Variants in LYRM4 observed in about 807,000 individuals in gnomAD.
LYRM4 encodes LYR motif-containing protein 4.
A neutral mutation model predicts 11.7 loss-of-function variants in LYRM4; 9 were observed. The observed-to-expected ratio is 0.77, with a 90% CI of 0.46 to 1.34. The LOEUF is 1.34. Ranked by LOEUF, LYRM4 falls within the 40% of genes most tolerant of loss-of-function variation. The pLI is 0.00. For synonymous variants in LYRM4, 42 were observed against 40.4 expected, an observed-to-expected ratio of 1.04 and a Z score of -0.15; for missense variants, 133 against 112.5, an observed-to-expected ratio of 1.18 and a Z score of -0.82.
the LYRM4 span, chr6:5,032,291 C>A: frequency 1.3e-5 from 2 of 152,174 alleles, no homozygotes; most frequent in East Asian, 3.9e-4. Context: ...CCAAATATTC[C>A]TATATTTCTA....
At chr6:5,047,830 CATAAA>C in the LYRM4 span, among the ~76,000 whole-genome samples, 1 of 152,196 alleles carries the variant, frequency 6.6e-6, no homozygotes, top group Non-Finnish European at 1.5e-5. Flanking sequence ...ATTACAATAG[CATAAA>C]ATATCACAAA....
chr6:5,152,568 C>T (rs970914113), intron 2 of LYRM4, among the ~76,000 whole-genome samples: 4 of 152,198 alleles, frequency 2.6e-5, no homozygotes, highest in Non-Finnish European at 5.9e-5. Flanking sequence ...AGTGAGGCAG[C>T]CCCAGCTGCG....
At chr6:5,086,656 G>A in the LYRM4 span, 2 of 1,103,844 alleles carry the variant, frequency 1.8e-6, no homozygotes, top group Non-Finnish European at 2.5e-6. Flanking sequence ...GCTTTGCTGA[G>A]CGTGGCGAGT....
chr6:5,181,146 G>C (rs1255421255), intron 2 of LYRM4, among the ~76,000 whole-genome samples: 3 of 152,082 alleles, frequency 2.0e-5, no homozygotes, highest in Admixed American at 2.0e-4. Flanking sequence ...ACAATTACAA[G>C]GTTTTCGTTT....
downstream of LYRM4, chr6:5,104,417 G>A (rs1440324433): frequency 6.6e-6 from 1 of 152,080 alleles, no homozygotes; most frequent in Non-Finnish European, 1.5e-5. Flanking sequence ...TAGGACAACA[G>A]TTGCATGCCA....
intron 1 of LYRM4, among the ~76,000 whole-genome samples, chr6:5,238,409 C>A (rs34146318): frequency 2.6e-5 from 4 of 152,174 alleles, no homozygotes; most frequent in African/African-American, 9.6e-5. Context: ...TAATTCTATA[C>A]TCATGTTAAA....
intron 2 of LYRM4, among the ~76,000 whole-genome samples, chr6:5,185,058 C>G (rs887575644): frequency 6.6e-6 from 1 of 152,288 alleles, no homozygotes; most frequent in African/African-American, 2.4e-5. Flanking sequence ...TCCTCCTTGC[C>G]CTTTGTCTTC....
chr6:5,248,246 A>G (rs374317256), intron 1 of LYRM4, among the ~76,000 whole-genome samples: 1 of 152,350 alleles, frequency 6.6e-6, no homozygotes, highest in East Asian at 1.9e-4. Flanking sequence ...GTTTATCAAC[A>G]TACCTCAAAG....
At chr6:5,203,804 C>A (rs1761533648) in intron 2 of LYRM4, among the ~76,000 whole-genome samples, 2 of 152,198 alleles carry the variant, frequency 1.3e-5, no homozygotes, top group Non-Finnish European at 2.9e-5. Flanking sequence ...AGAGCAGAAG[C>A]ACATGAAAGA....
chr6:5,037,551 G>C, the LYRM4 span, among the ~76,000 whole-genome samples: 4 of 76,656 alleles, frequency 5.2e-5, no homozygotes, highest in African/African-American at 1.5e-4. Context: ...GGTCCTGGCC[G>C]GGCAGAGGGG....
At chr6:5,153,076 T>C (rs1296662451) in intron 2 of LYRM4, among the ~76,000 whole-genome samples, 1 of 152,220 alleles carries the variant, frequency 6.6e-6, no homozygotes, top group Non-Finnish European at 1.5e-5. Flanking sequence ...GTTTTGTTTC[T>C]GTTGAACCAT....
intron 2 of LYRM4, among the ~76,000 whole-genome samples, chr6:5,213,228 A>G (rs1324991719): frequency 6.6e-6 from 1 of 152,180 alleles, no homozygotes; most frequent in African/African-American, 2.4e-5. Context: ...CAAGGCTTCC[A>G]CCTTTCCTGC....
chr6:5,053,327 T>C, the LYRM4 span, among the ~76,000 whole-genome samples: 1 of 152,032 alleles, frequency 6.6e-6, no homozygotes, highest in Non-Finnish European at 1.5e-5. Context: ...GAGCACAGGA[T>C]CCAGAAAATG....
chr6:5,164,309 C>T (rs559328212), intron 2 of LYRM4, among the ~76,000 whole-genome samples: 2 of 152,206 alleles, frequency 1.3e-5, no homozygotes, highest in African/African-American at 4.8e-5. Flanking sequence ...AAACTGGAAA[C>T]CCCCCAAATG....
intron 1 of LYRM4, among the ~76,000 whole-genome samples, chr6:5,230,835 G>A (rs994804117): frequency 6.6e-6 from 1 of 152,122 alleles, no homozygotes; most frequent in East Asian, 1.9e-4. Flanking sequence ...AAGGGGACAC[G>A]TATCAGTCAT....
intron 2 of LYRM4, among the ~76,000 whole-genome samples, chr6:5,204,951 G>A (rs1173635133): frequency 6.6e-6 from 1 of 152,182 alleles, no homozygotes; most frequent in East Asian, 1.9e-4. Flanking sequence ...AGTCTGGACT[G>A]GAACCATCCT....
the LYRM4 span, chr6:5,066,493 G>C: frequency 1.3e-6 from 1 of 775,616 alleles, no homozygotes; most frequent in Non-Finnish European, 2.4e-6. Flanking sequence ...ATAGCGGGTG[G>C]TTTTATTACT....
At chr6:5,255,158 C>G (rs1456789509) in intron 1 of LYRM4, among the ~76,000 whole-genome samples, 1 of 152,158 alleles carries the variant, frequency 6.6e-6, no homozygotes, top group African/African-American at 2.4e-5. Context: ...TTTCTTCAAC[C>G]CTACAGTAGT....
At chr6:5,096,680 G>A in the LYRM4 span, among the ~76,000 whole-genome samples, 1 of 152,304 alleles carries the variant, frequency 6.6e-6, no homozygotes, top group African/African-American at 2.4e-5. Context: ...AAAATAGTGT[G>A]AGTGAGTTTT....
Sources: gnomAD v4.1 joint callset for allele counts (sites outside exome capture counted in the v4.1 genomes callset) on GRCh38, gnomAD v4.1.1 for gene constraint, MANE v1.5 for transcripts, NCBI Gene and HGNC (gene_info 2026-07-23, HGNC 2026-07-21) for gene names.